ZBBX: variants seen among roughly 807,000 people sequenced by gnomAD.
ZBBX encodes zinc finger B-box domain-containing protein 1.
In ZBBX, 101 loss-of-function variants were observed where a neutral mutation model predicts 108.5. The observed-to-expected ratio is 0.93, with a 90% CI of 0.79 to 1.10. The LOEUF (loss-of-function observed/expected upper bound fraction) is 1.10, where lower values mean the gene tolerates loss of function less well. ZBBX is among the 50% of genes least tolerant of loss of function. The pLI, the probability that ZBBX is intolerant of heterozygous loss-of-function variation, is 0.00. For missense variants in ZBBX, 1,009 were observed against 941.4 expected (o/e 1.07, Z -0.94); for synonymous variants, 356 against 323.4 (o/e 1.10, Z -1.08).
intron 20 of ZBBX, among the ~76,000 whole-genome samples, chr3:167,267,152 C>T (rs1049321368): frequency 7.9e-5 from 12 of 152,206 alleles, no homozygotes; most frequent in African/African-American, 2.7e-4. Flanking sequence ...TGCGGTTCCA[C>T]GGTCACCTCA....
chr3:167,398,928 T>C (rs1435300367), intron 1 of ZBBX, among the ~76,000 whole-genome samples: 1 of 151,864 alleles, frequency 6.6e-6, no homozygotes, highest in South Asian at 2.1e-4. Flanking sequence ...AAATACTGGA[T>C]TAATGGGTTA....
intron 8 of ZBBX, among the ~76,000 whole-genome samples, chr3:167,359,539 T>C (rs1233306316): frequency 5.3e-5 from 8 of 152,140 alleles, no homozygotes; most frequent in African/African-American, 1.9e-4. Flanking sequence ...AAAAGAATTG[T>C]TGTTGTAGTT....
At chr3:167,386,458 C>T (rs1046953780) in intron 1 of ZBBX, among the ~76,000 whole-genome samples, 1 of 151,998 alleles carries the variant, frequency 6.6e-6, no homozygotes, top group African/African-American at 2.4e-5. Context: ...TTCTTTTAAA[C>T]AGCAGTAGAG....
chr3:167,405,928 T>G (rs888226373), intron 1 of ZBBX, among the ~76,000 whole-genome samples: 1 of 151,780 alleles, frequency 6.6e-6, no homozygotes, highest in African/African-American at 2.4e-5. Context: ...AACCCTGGGG[T>G]GGTGGCAGGT....
intron 1 of ZBBX, among the ~76,000 whole-genome samples, chr3:167,392,247 T>C (rs1311888854): frequency 6.6e-6 from 1 of 151,888 alleles, no homozygotes; most frequent in Non-Finnish European, 1.5e-5. Flanking sequence ...TTCCCTGTCA[T>C]TACTGAGGAC....
intron 12 of ZBBX, 144 bp from the exon 13 acceptor site, chr3:167,317,741 T>A: frequency 2.0e-6 from 1 of 507,976 alleles, no homozygotes; most frequent in South Asian, 3.4e-5. Context: ...CAAAGATAAG[T>A]ACAATTGTAT....
At chr3:167,299,027 C>A (rs1380053471) in intron 17 of ZBBX, among the ~76,000 whole-genome samples, 1 of 151,942 alleles carries the variant, frequency 6.6e-6, no homozygotes, top group Non-Finnish European at 1.5e-5. Context: ...TATAGGTCTG[C>A]CTGATTTGAA....
At chr3:167,351,482 G>A (rs1359687600) in intron 8 of ZBBX, among the ~76,000 whole-genome samples, 1 of 152,126 alleles carries the variant, frequency 6.6e-6, no homozygotes, top group Non-Finnish European at 1.5e-5. Context: ...AAGAGAAACA[G>A]GGCTTCCTGC....
chr3:167,178,962 G>A, the ZBBX span, among the ~76,000 whole-genome samples: 1 of 152,070 alleles, frequency 6.6e-6, no homozygotes, highest in Non-Finnish European at 1.5e-5. Flanking sequence ...GAATTATATG[G>A]GATATCAGTA....
the ZBBX span, among the ~76,000 whole-genome samples, chr3:167,223,966 G>T: frequency 6.6e-6 from 1 of 151,904 alleles, no homozygotes; most frequent in Non-Finnish European, 1.5e-5. Flanking sequence ...AGAGTGAAAT[G>T]ACTGGAGATT....
rs1253698675 is a variant in ZBBX at position 167,334,429 on chromosome 3, C to A, written c.529-444G>T. 5.3e-5 allele frequency among the ~76,000 whole-genome samples: 8 copies of A among 151,962 alleles called. No homozygotes were observed. The South Asian group carries it at 1.7e-3, about 32-fold the overall frequency. Reference sequence around the variant, plus strand: ...TCTCTACTAAAAACACAGTAATTAGCCAGGCATGGTGGTGTGTGCCTGTAG... The same window carrying A: ...TCTCTACTAAAAACACAGTAATTAGACAGGCATGGTGGTGTGTGCCTGTAG... On this transcript the variant is annotated intron_variant, in intron 9 of 21. Transcript: ENST00000675490.
chr3:167,302,214 T>C (rs1245617143), intron 17 of ZBBX, among the ~76,000 whole-genome samples: 1 of 152,160 alleles, frequency 6.6e-6, no homozygotes. Context: ...AAATATGTTC[T>C]TTAAACTTAT....
chr3:167,240,755 C>G lies in ZBBX; in HGVS notation c.*38G>C, dbSNP rs1316227432. 2 of 1,599,470 alleles carry G rather than the reference C, an allele frequency of 1.3e-6. No individual in the cohort carries two copies. The highest frequency in any genetic ancestry group is 1.7e-5 in the Admixed American group (1 of 58,778). ...ACTTTTCTCAGTTGTTTGCTTTACT[C>G]TGGGTACAAAATGGAAACAGTAATG... On this transcript the variant is annotated 3_prime_UTR_variant, in exon 22 of 22. Coordinates refer to ENST00000675490, the MANE Select transcript of ZBBX (RefSeq NM_001199201.2).
the ZBBX span, among the ~76,000 whole-genome samples, chr3:167,179,609 T>C: frequency 5.9e-5 from 9 of 152,318 alleles, no homozygotes; most frequent in East Asian, 1.5e-3. Flanking sequence ...ATGAACCACA[T>C]ATGAAGAATC....
chr3:167,286,912 A>G (rs1419995080), intron 19 of ZBBX, among the ~76,000 whole-genome samples: 1 of 152,172 alleles, frequency 6.6e-6, no homozygotes, highest in Admixed American at 6.5e-5. Flanking sequence ...GCAGAATACA[A>G]GATTTCTATA....
At chr3:167,374,747 T>C (rs1272330260) in intron 2 of ZBBX, among the ~76,000 whole-genome samples, 5 of 152,056 alleles carry the variant, frequency 3.3e-5, no homozygotes, top group Non-Finnish European at 5.9e-5. Flanking sequence ...GTAAAAATTA[T>C]AAGGGCTATA....
At chr3:167,236,958 T>C (rs1414380813), downstream of ZBBX, among the ~76,000 whole-genome samples, 3 of 151,858 alleles carry the variant, frequency 2.0e-5, no homozygotes, top group African/African-American at 7.2e-5. Context: ...TTTGAGAAGA[T>C]ACATTTTGAG....
At chr3:167,214,378 A>G in the ZBBX span, among the ~76,000 whole-genome samples, 2 of 152,192 alleles carry the variant, frequency 1.3e-5, no homozygotes, top group Non-Finnish European at 2.9e-5. Flanking sequence ...TCAAACCAGC[A>G]AAGATAAAAA....
the ZBBX span, among the ~76,000 whole-genome samples, chr3:167,194,008 G>T: frequency 2.6e-5 from 4 of 152,022 alleles, no homozygotes; most frequent in East Asian, 7.7e-4. Context: ...TTGGGAATGG[G>T]TACAAACATA....
Sources: allele counts gnomAD v4.1 joint callset (sites outside exome capture counted in the v4.1 genomes callset), GRCh38; gene constraint gnomAD v4.1.1; transcripts MANE v1.5; gene names NCBI Gene and HGNC (gene_info 2026-07-23, HGNC 2026-07-21).